The following PRDM5 variants were observed in gnomAD, a reference collection of about 807,000 sequenced individuals.
The protein encoded by PRDM5 is PR/SET domain 5, also known as PR domain zinc finger protein 5.
PRDM5 carries 56 observed loss-of-function variants against 81.2 expected under a neutral mutation model. The ratio of observed to expected loss-of-function variants is 0.69; its 90% CI spans 0.56 to 0.86. The LOEUF (loss-of-function observed/expected upper bound fraction) is 0.86, where lower values mean the gene tolerates loss of function less well. PRDM5 is among the 40% of genes least tolerant of loss of function. The pLI is 0.00. For missense variants in PRDM5, 697 were observed against 770.1 expected (o/e 0.91, Z 1.12); for synonymous variants, 267 against 256.4 (o/e 1.04, Z -0.39).
At chr4:120,834,004 T>C (rs577042051) in intron 3 of PRDM5, among the ~76,000 whole-genome samples, 2 of 152,204 alleles carry the variant, frequency 1.3e-5, no homozygotes, top group South Asian at 4.2e-4. Flanking sequence ...CTAAGAAAAG[T>C]AGATTTATGC....
chr4:120,723,923 ATTTTTTTTTT>A (rs70948360), intron 14 of PRDM5, among the ~76,000 whole-genome samples: 29 of 81,254 alleles, frequency 3.6e-4, no homozygotes, highest in African/African-American at 1.1e-3. Context: ...GATAGCTTGA[ATTTTTTTTTT>A]TTTTTTTTTT....
intron 10 of PRDM5, among the ~76,000 whole-genome samples, chr4:120,791,824 C>T (rs977748412): frequency 6.6e-6 from 1 of 152,180 alleles, no homozygotes. Context: ...AGGGTGGACG[C>T]TTTGTGAACT....
At chr4:120,728,937 A>G (rs1224234111) in intron 14 of PRDM5, among the ~76,000 whole-genome samples, 2 of 152,256 alleles carry the variant, frequency 1.3e-5, no homozygotes, top group Non-Finnish European at 2.9e-5. Flanking sequence ...AACTGAAGGT[A>G]AAGAATATAA....
Position 120,781,203 on chromosome 4 carries a change from A to G in PRDM5, c.1383T>C (p.Tyr461=), listed in dbSNP as rs55774575. 1.6e-3 allele frequency: 2,553 copies of G among 1,613,408 alleles called. 34 individuals are homozygous for G. The African/African-American group carries it at 0.029, about 19-fold the overall frequency. Reference sequence around the variant, plus strand: ...AGGCCTTATTACATAGCTCACACCTATACTTCTTGTGTCTTTCATGAACCA... The same window carrying G: ...AGGCCTTATTACATAGCTCACACCTGTACTTCTTGTGTCTTTCATGAACCA... ...VQVVHERHKK[Y]RCELCNKAFV... is the part of the protein sequence containing the mutation. Residue 461 remains tyrosine, a synonymous_variant, in exon 12 of 16, where the codon TAT becomes TAC. Coordinates refer to ENST00000264808, the MANE Select transcript of PRDM5 (RefSeq NM_018699.4).
intron 2 of PRDM5, among the ~76,000 whole-genome samples, chr4:120,887,160 G>A (rs924651619): frequency 3.3e-5 from 5 of 152,038 alleles, no homozygotes; most frequent in Non-Finnish European, 5.9e-5. Context: ...TTGCCAGGCT[G>A]GTCTTGAATT....
chr4:120,866,298 G>A (rs1036032132), intron 2 of PRDM5, among the ~76,000 whole-genome samples: 2 of 152,190 alleles, frequency 1.3e-5, no homozygotes, highest in Admixed American at 6.5e-5. Flanking sequence ...ACTTTCATCT[G>A]AGAGATTCTC....
downstream of PRDM5, among the ~76,000 whole-genome samples, chr4:120,688,695 A>T (rs1733925884): frequency 6.6e-6 from 1 of 152,064 alleles, no homozygotes; most frequent in Admixed American, 6.6e-5. Flanking sequence ...GTGGATATCT[A>T]GTTTTCCTAA....
chr4:120,884,376 C>T lies in PRDM5; in HGVS notation c.177+23098G>A, dbSNP rs538088317. On this transcript the variant is annotated intron_variant, in intron 2 of 15. Coordinates refer to ENST00000264808, the MANE Select transcript of PRDM5 (RefSeq NM_018699.4). The stretch of plus-strand genomic sequence containing the variant: ...TACACTTTTCCTACCTTCATTTACA[C>T]TTTCTCTCTACTTGAAACACTTGCT... Among the ~76,000 whole-genome samples the T allele has an allele frequency of 3.3e-5, 5 of 152,228 alleles. No homozygotes were observed. In the South Asian group the frequency reaches 1.0e-3, roughly 32 times the overall value.
At chr4:120,908,621 A>G (rs899106048) in intron 1 of PRDM5, among the ~76,000 whole-genome samples, 1 of 152,214 alleles carries the variant, frequency 6.6e-6, no homozygotes, top group Non-Finnish European at 1.5e-5. Context: ...TGAAGAAAAG[A>G]GGTCCGGAGA....
At position 120,907,472 on chromosome 4, in the gene PRDM5, A is replaced by T; in HGVS notation, c.177+2T>A. The T allele has an allele frequency of 6.3e-7, 1 of 1,591,794 alleles. No individual in the cohort carries two copies. The highest frequency in any genetic ancestry group is 8.6e-7 in the Non-Finnish European group (1 of 1,159,974). On this transcript the variant is annotated splice_donor_variant, in intron 2 of 15. Transcript: ENST00000264808. LOFTEE classifies it high-confidence loss of function. ...TAACATTAAAATAAGTCATATCCTC[A>T]CCTCCCACATCAACCTGTAATCCAT...
At chr4:120,745,607 C>A (rs1161417098) in intron 14 of PRDM5, among the ~76,000 whole-genome samples, 40 of 141,666 alleles carry the variant, frequency 2.8e-4, no homozygotes, top group African/African-American at 1.1e-3. Context: ...AATCAATGTG[C>A]AAAAATCACA....
chr4:120,758,817 G>A lies in PRDM5; in HGVS notation c.1538-4179C>T, dbSNP rs192955300. On this transcript the variant is annotated intron_variant, in intron 13 of 15. Transcript: ENST00000264808. Reference sequence around the variant, plus strand: ...GTTGCCCAGGCTGGAGTGCAGTGGCGCGATCTCGACTCACTGCAAGCCCTG... The same window carrying A: ...GTTGCCCAGGCTGGAGTGCAGTGGCACGATCTCGACTCACTGCAAGCCCTG... Among the ~76,000 whole-genome samples, 67 of 150,996 alleles carry A rather than the reference G, an allele frequency of 4.4e-4. No homozygotes were observed. The East Asian group carries it at 9.2e-3, about 21-fold the overall frequency.
At chr4:120,821,021 A>C in intron 4 of PRDM5, 150 bp downstream of exon 4, 2 of 945,734 alleles carry the variant, frequency 2.1e-6, no homozygotes, top group Non-Finnish European at 3.4e-6. Flanking sequence ...AGATGAGTCC[A>C]CCACAGGATA....
intron 10 of PRDM5, among the ~76,000 whole-genome samples, chr4:120,792,672 G>C (rs1750748887): frequency 6.6e-6 from 1 of 152,116 alleles, no homozygotes; most frequent in Non-Finnish European, 1.5e-5. Flanking sequence ...GCCATTGACA[G>C]ATGAATGGAT....
At chr4:120,699,203 T>TATATATATAG (rs1734999185) in intron 15 of PRDM5, among the ~76,000 whole-genome samples, 1 of 78,826 alleles carries the variant, frequency 1.3e-5, no homozygotes, top group African/African-American at 3.4e-5. Flanking sequence ...TATATATATA[T>TATATATATAG]ATTTCAGATG....
chr4:120,780,431 G>A (rs575191117), intron 12 of PRDM5, among the ~76,000 whole-genome samples: 58 of 151,132 alleles, frequency 3.8e-4, no homozygotes, highest in Admixed American at 1.1e-3. Context: ...GCAACAGAGC[G>A]AGACTCTGTC....
intron 14 of PRDM5, among the ~76,000 whole-genome samples, chr4:120,717,272 C>G (rs1338174223): frequency 6.6e-6 from 1 of 152,068 alleles, no homozygotes; most frequent in Non-Finnish European, 1.5e-5. Flanking sequence ...TAAATGGAGG[C>G]AATGTATTTG....
intron 2 of PRDM5, among the ~76,000 whole-genome samples, chr4:120,886,116 T>C (rs1288519657): frequency 6.6e-6 from 1 of 152,186 alleles, no homozygotes; most frequent in Non-Finnish European, 1.5e-5. Context: ...GAATGCACTA[T>C]GACATTTGTT....
chr4:120,829,661 G>A (rs1756478358), intron 3 of PRDM5, among the ~76,000 whole-genome samples: 1 of 152,030 alleles, frequency 6.6e-6, no homozygotes, highest in East Asian at 1.9e-4. Flanking sequence ...TTGTTGGCAG[G>A]CTGCTATCCA....
Sources: allele counts gnomAD v4.1 joint callset (sites outside exome capture counted in the v4.1 genomes callset), GRCh38; gene constraint gnomAD v4.1.1; transcripts MANE v1.5; gene names NCBI Gene and HGNC (gene_info 2026-07-23, HGNC 2026-07-21).